PDE10A: variants seen among roughly 807,000 people sequenced by gnomAD.
PDE10A encodes the protein phosphodiesterase 10A.
PDE10A carries 39 observed loss-of-function variants against 97.7 expected under a neutral mutation model. The ratio of observed to expected loss-of-function variants is 0.40; its 90% CI spans 0.31 to 0.52. PDE10A has a LOEUF of 0.52. Among genes scored for constraint, PDE10A ranks in the 20% least tolerant of loss-of-function variants. The probability of loss-of-function intolerance (pLI) is 0.56; values close to 1 mark genes in which losing one functional copy is unlikely to be tolerated. For synonymous variants in PDE10A, 371 were observed against 376.8 expected, an observed-to-expected ratio of 0.98 and a Z score of 0.18; for missense variants, 731 against 1,047.8, an observed-to-expected ratio of 0.70 and a Z score of 4.17.
Position 165,722,879 on chromosome 6 carries a change from T to TAC in PDE10A, c.-614-179312_-614-179311insGT, listed in dbSNP as rs1204888782. ...TAAATAAAATTTGTTCATATATATA[T>TAC]ATATACACACACACACACACACATA... is the stretch of plus-strand genomic sequence containing the variant. On this transcript the variant is annotated intron_variant, in intron 1 of 19. Coordinates refer to the PDE10A transcript ENST00000366882. Among the ~76,000 whole-genome samples, 214 of 83,588 alleles carry TAC rather than the reference T, an allele frequency of 2.6e-3. No homozygotes were observed. The South Asian group carries it at 0.029, about 11-fold the overall frequency. 54.8% of individuals were successfully genotyped at this position (83,588 alleles called of 152,430 possible). A position where few individuals can be genotyped will look rare whatever the true frequency, so the allele number is the denominator to read the frequency against.
chr6:165,593,849 A>T (rs1219962263), intron 1 of PDE10A, among the ~76,000 whole-genome samples: 1 of 152,230 alleles, frequency 6.6e-6, no homozygotes, highest in Non-Finnish European at 1.5e-5. Context: ...AACTATGCTC[A>T]GATTCCTTGT....
intron 1 of PDE10A, among the ~76,000 whole-genome samples, chr6:165,826,570 G>C (rs183178100): frequency 6.7e-6 from 1 of 148,390 alleles, no homozygotes; most frequent in African/African-American, 2.5e-5. Flanking sequence ...CCACGCTCCC[G>C]CCACGCCCCC....
chr6:165,957,880 T>C (rs542239172), intron 1 of PDE10A, among the ~76,000 whole-genome samples: 1 of 152,228 alleles, frequency 6.6e-6, no homozygotes, highest in East Asian at 1.9e-4. Flanking sequence ...CTGAATTAGG[T>C]CCATGTCTCC....
intron 1 of PDE10A, among the ~76,000 whole-genome samples, chr6:165,848,712 T>A (rs1583186019): frequency 6.6e-6 from 1 of 152,096 alleles, no homozygotes; most frequent in South Asian, 2.1e-4. Flanking sequence ...GGTCCTAATT[T>A]CCAGAACCAT....
chr6:165,491,882 G>GA lies in PDE10A; in HGVS notation c.995-9540dup, dbSNP rs199585577. 2.4e-3 allele frequency among the ~76,000 whole-genome samples: 361 copies of GA among 148,712 alleles called. 1 individual carries two copies. Among genetic ancestry groups the GA allele is most frequent in the South Asian group, 4.0e-3 (19 of 4,716 alleles). On this transcript the variant is annotated intron_variant, in intron 2 of 21. Coordinates refer to ENST00000539869, the MANE Select transcript of PDE10A (RefSeq NM_001385079.1). ...GATCAGAGCAGAACTAAATGAAATC[G>GA]AAACAAAAAAACAAATACAAAGATA... is the stretch of plus-strand genomic sequence containing the variant.
At chr6:165,951,691 A>T (rs1318933643) in intron 1 of PDE10A, among the ~76,000 whole-genome samples, 2 of 151,942 alleles carry the variant, frequency 1.3e-5, no homozygotes, top group African/African-American at 2.4e-5. Flanking sequence ...GTTCTCCAGC[A>T]CTGTCCTCTG....
intron 1 of PDE10A, among the ~76,000 whole-genome samples, chr6:165,786,548 A>T (rs1425274914): frequency 1.3e-5 from 2 of 152,142 alleles, no homozygotes; most frequent in Non-Finnish European, 2.9e-5. Flanking sequence ...TGTTTATGGG[A>T]AAACTGGGAG....
At chr6:165,953,280 G>T (rs1042065724) in intron 1 of PDE10A, among the ~76,000 whole-genome samples, 1 of 152,064 alleles carries the variant, frequency 6.6e-6, no homozygotes, top group African/African-American at 2.4e-5. Flanking sequence ...AGAAATTTGA[G>T]GGCTGTTTAA....
At chr6:165,781,602 CT>C in intron 1 of PDE10A, 1 of 152,340 alleles carries the variant, frequency 6.6e-6, no homozygotes, top group Non-Finnish European at 1.5e-5. Context: ...GATTGATTCA[CT>C]TAGGGATCTA....
intron 1 of PDE10A, among the ~76,000 whole-genome samples, chr6:165,755,759 G>GC (rs34892251): frequency 0.17 from 26,520 of 152,144 alleles, 2,659 homozygotes; most frequent in East Asian, 0.36. Flanking sequence ...ACCAGGTACA[G>GC]CCCCTGCAGG....
rs1422222310 is a variant in PDE10A, at chr6:165,562,273, T to C, written c.866-18705A>G. Among the ~76,000 whole-genome samples the C allele has an allele frequency of 2.6e-5, 4 of 152,322 alleles. No individual in the cohort carries two copies. The South Asian group carries it at 6.2e-4, about 24-fold the overall frequency. ...TAAAGGGTATAATTCATATTATGTATAAAATAGAATGTAGCCTGTTATTAA... is the reference window on the plus strand; with the variant it reads ...TAAAGGGTATAATTCATATTATGTACAAAATAGAATGTAGCCTGTTATTAA... On this transcript the variant is annotated intron_variant, in intron 1 of 21. Transcript: ENST00000539869.
chr6:165,401,920 T>C (rs902894282), intron 13 of PDE10A, among the ~76,000 whole-genome samples: 3 of 152,214 alleles, frequency 2.0e-5, no homozygotes, highest in African/African-American at 7.2e-5. Context: ...TTAGAGATGA[T>C]AGCGTAGATT....
At chr6:165,794,233 TC>T (rs766963966) in intron 1 of PDE10A, among the ~76,000 whole-genome samples, 13 of 145,350 alleles carry the variant, frequency 8.9e-5, no homozygotes, top group Non-Finnish European at 1.7e-4. Context: ...ATACACTCCC[TC>T]CCACACGCAC....
At chr6:165,373,486 A>C (rs1037058821) in intron 18 of PDE10A, among the ~76,000 whole-genome samples, 3 of 152,256 alleles carry the variant, frequency 2.0e-5, no homozygotes, top group African/African-American at 7.2e-5. Flanking sequence ...AAAAATGCTC[A>C]TCATGACTGG....
chr6:165,727,273 G>A (rs1792322971), intron 1 of PDE10A, among the ~76,000 whole-genome samples: 1 of 152,210 alleles, frequency 6.6e-6, no homozygotes, highest in South Asian at 2.1e-4. Flanking sequence ...TATAAAGACG[G>A]GCGCCAGATT....
intron 1 of PDE10A, among the ~76,000 whole-genome samples, chr6:165,598,781 T>C (rs1037622432): frequency 6.6e-6 from 1 of 152,196 alleles, no homozygotes; most frequent in Non-Finnish European, 1.5e-5. Flanking sequence ...AATTTTCAAA[T>C]AAATTAGGAA....
chr6:165,593,879 T>C (rs1186476062), intron 1 of PDE10A, among the ~76,000 whole-genome samples: 1 of 152,158 alleles, frequency 6.6e-6, no homozygotes, highest in Non-Finnish European at 1.5e-5. Flanking sequence ...GTACACAAGA[T>C]AAATTATTGT....
intron 1 of PDE10A, among the ~76,000 whole-genome samples, chr6:165,684,379 A>G (rs1791058926): frequency 6.6e-6 from 1 of 152,236 alleles, no homozygotes; most frequent in African/African-American, 2.4e-5. Flanking sequence ...CCTGGAGATA[A>G]ATAAATATTT....
intron 18 of PDE10A, among the ~76,000 whole-genome samples, chr6:165,350,768 C>T (rs1782639554): frequency 6.6e-6 from 1 of 152,114 alleles, no homozygotes; most frequent in South Asian, 2.1e-4. Flanking sequence ...TGAGTTAGTT[C>T]TCACAAGAGC....
Sources: gnomAD v4.1 joint callset for allele counts (sites outside exome capture counted in the v4.1 genomes callset) on GRCh38, gnomAD v4.1.1 for gene constraint, MANE v1.5 for transcripts, NCBI Gene and HGNC (gene_info 2026-07-23, HGNC 2026-07-21) for gene names.